Variants in NDUFS4 observed in about 807,000 individuals in gnomAD.
NDUFS4 encodes the protein NADH dehydrogenase [ubiquinone] iron-sulfur protein 4, mitochondrial.
A neutral mutation model predicts 24.3 loss-of-function variants in NDUFS4; 28 were observed. The observed-to-expected ratio is 1.15, with a 90% CI of 0.85 to 1.58. The LOEUF is 1.58. Among genes scored for constraint, NDUFS4 ranks in the 40% most tolerant of loss-of-function variants. NDUFS4 has a pLI of 0.00. For synonymous variants in NDUFS4, 93 were observed against 69.7 expected (o/e 1.34, Z -1.67); for missense variants, 223 against 207.9 (o/e 1.07, Z -0.45).
intron 4 of NDUFS4, among the ~76,000 whole-genome samples, chr5:53,669,197 T>A (rs1330510664): frequency 1.3e-5 from 2 of 152,192 alleles, no homozygotes; most frequent in Admixed American, 1.3e-4. Context: ...CTATGACATT[T>A]GTGTAAGTCC....
At chr5:53,660,207 C>T (rs1368881294) in intron 4 of NDUFS4, among the ~76,000 whole-genome samples, 1 of 143,284 alleles carries the variant, frequency 7.0e-6, no homozygotes, top group Non-Finnish European at 1.5e-5. Context: ...TCCGTGTGTT[C>T]TCATTGTTCA....
intron 1 of NDUFS4, among the ~76,000 whole-genome samples, chr5:53,574,582 A>C (rs2112418933): frequency 6.6e-6 from 1 of 152,280 alleles, no homozygotes; most frequent in South Asian, 2.1e-4. Flanking sequence ...TGGACTCATA[A>C]AATGAGCTGG....
At chr5:53,577,974 A>G (rs1365796908) in intron 1 of NDUFS4, among the ~76,000 whole-genome samples, 4 of 152,146 alleles carry the variant, frequency 2.6e-5, no homozygotes. Context: ...TACTGCCTAA[A>G]AGACTTAGGG....
intron 1 of NDUFS4, among the ~76,000 whole-genome samples, chr5:53,587,111 A>G (rs1165537233): frequency 1.3e-5 from 2 of 152,040 alleles, no homozygotes; most frequent in Non-Finnish European, 2.9e-5. Flanking sequence ...GGCGTGAACC[A>G]TTGCACCCGG....
At chr5:53,563,146 G>A (rs7722890) in intron 1 of NDUFS4, among the ~76,000 whole-genome samples, 4,822 of 150,974 alleles carry the variant, frequency 0.032, 103 homozygotes, top group African/African-American at 0.11. Context: ...GGAGGATGGC[G>A]TGAACCCGGG....
At chr5:53,611,279 G>A (rs1013504100) in intron 2 of NDUFS4, among the ~76,000 whole-genome samples, 1 of 150,232 alleles carries the variant, frequency 6.7e-6, no homozygotes, top group Non-Finnish European at 1.5e-5. Flanking sequence ...ATAAAATGTA[G>A]AAAGGAAAAG....
At chr5:53,677,302 A>C (rs867675452) in intron 4 of NDUFS4, among the ~76,000 whole-genome samples, 2 of 152,332 alleles carry the variant, frequency 1.3e-5, no homozygotes, top group Middle Eastern at 3.4e-3. Context: ...GAGAGGTGGC[A>C]ATACTCTACA....
At chr5:53,682,178 A>G (rs953600852) in intron 4 of NDUFS4, among the ~76,000 whole-genome samples, 2 of 152,146 alleles carry the variant, frequency 1.3e-5, no homozygotes, top group African/African-American at 4.8e-5. Flanking sequence ...GAATAAAAGA[A>G]TGACTTAATT....
intron 1 of NDUFS4, among the ~76,000 whole-genome samples, chr5:53,591,039 T>C (rs1474201388): frequency 6.6e-6 from 1 of 152,214 alleles, no homozygotes; most frequent in Non-Finnish European, 1.5e-5. Context: ...TACTATTCTT[T>C]TGTGATTGGC....
At chr5:53,577,534 G>A (rs754979338) in intron 1 of NDUFS4, among the ~76,000 whole-genome samples, 25 of 150,776 alleles carry the variant, frequency 1.7e-4, no homozygotes, top group Non-Finnish European at 3.2e-4. Flanking sequence ...TGTTTATTGT[G>A]CACTTAGGCA....
chr5:53,627,961 G>T (rs1751281719), intron 2 of NDUFS4, among the ~76,000 whole-genome samples: 1 of 152,114 alleles, frequency 6.6e-6, no homozygotes, highest in African/African-American at 2.4e-5. Context: ...TCTTGTGCCG[G>T]TTTTTAAAGG....
intron 4 of NDUFS4, among the ~76,000 whole-genome samples, chr5:53,681,085 A>G (rs1458019265): frequency 6.6e-6 from 1 of 152,150 alleles, no homozygotes; most frequent in African/African-American, 2.4e-5. Context: ...AAATTTATAT[A>G]GAGACATGTT....
intron 2 of NDUFS4, among the ~76,000 whole-genome samples, chr5:53,638,007 G>T (rs551048681): frequency 2.0e-5 from 3 of 152,016 alleles, no homozygotes; most frequent in Admixed American, 6.6e-5. Context: ...TCTGATGAGC[G>T]TTCATTATTA....
intron 2 of NDUFS4, among the ~76,000 whole-genome samples, chr5:53,613,888 A>G (rs770152293): frequency 1.3e-5 from 2 of 152,050 alleles, no homozygotes; most frequent in African/African-American, 2.4e-5. Flanking sequence ...TCTTGAAGCT[A>G]GAAGGAAAGC....
intron 1 of NDUFS4, among the ~76,000 whole-genome samples, chr5:53,568,718 C>G (rs1285348087): frequency 6.6e-6 from 1 of 152,034 alleles, no homozygotes; most frequent in Non-Finnish European, 1.5e-5. Flanking sequence ...AGTGTTTTAT[C>G]CTTTAAAATG....
At position 53,602,259 on chromosome 5, in the gene NDUFS4, A is replaced by G. The variant is rs145369354; in HGVS notation, c.99-1193A>G. On this transcript the variant is annotated intron_variant, in intron 1 of 4. Transcript: ENST00000296684. ...TAGGTATTAAGAGTTGCTTAATTAT[A>G]CTTCTTTAATATAACAACCAGGACA... Among the ~76,000 whole-genome samples the G allele has an allele frequency of 2.2e-3, 328 of 152,310 alleles. 2 individuals are homozygous for G. Among genetic ancestry groups the G allele is most frequent in the African/African-American group, 7.4e-3 (309 of 41,578 alleles).
At chr5:53,586,765 C>T (rs965713576) in intron 1 of NDUFS4, among the ~76,000 whole-genome samples, 7 of 151,122 alleles carry the variant, frequency 4.6e-5, no homozygotes, top group Admixed American at 1.3e-4. Context: ...CCTTGTGATC[C>T]GCCTGCCTTG....
intron 4 of NDUFS4, among the ~76,000 whole-genome samples, chr5:53,664,945 C>G (rs1752469084): frequency 6.6e-6 from 1 of 152,072 alleles, no homozygotes; most frequent in Non-Finnish European, 1.5e-5. Flanking sequence ...TGTTTTTTCC[C>G]CATCTTTGTG....
intron 4 of NDUFS4, among the ~76,000 whole-genome samples, chr5:53,660,622 TA>T (rs1752309941): frequency 6.6e-6 from 1 of 152,176 alleles, no homozygotes; most frequent in African/African-American, 2.4e-5. Flanking sequence ...ACCGACAGTG[TA>T]AAAGTGTTCC....
Sources: gnomAD v4.1 joint callset for allele counts (sites outside exome capture counted in the v4.1 genomes callset) on GRCh38, gnomAD v4.1.1 for gene constraint, MANE v1.5 for transcripts, NCBI Gene and HGNC (gene_info 2026-07-23, HGNC 2026-07-21) for gene names.